NDST3: variants seen among roughly 807,000 people sequenced by gnomAD.
NDST3 encodes N-deacetylase and N-sulfotransferase 3, also known as bifunctional heparan sulfate N-deacetylase/N-sulfotransferase 3.
NDST3 carries 58 observed loss-of-function variants against 96.1 expected under a neutral mutation model. The ratio of observed to expected loss-of-function variants is 0.60; its 90% confidence interval spans 0.49 to 0.75. The LOEUF is 0.75. Ranked by LOEUF, NDST3 falls within the 30% of genes least tolerant of loss-of-function variation. The pLI is 0.00. For missense variants in NDST3, 788 were observed against 1,034.2 expected (o/e 0.76, Z 3.27); for synonymous variants, 333 against 359.7 (o/e 0.93, Z 0.84).
intron 6 of NDST3, among the ~76,000 whole-genome samples, chr4:118,158,447 T>A (rs907559183): frequency 6.6e-6 from 1 of 152,056 alleles, no homozygotes; most frequent in Non-Finnish European, 1.5e-5. Flanking sequence ...ATAGACATAC[T>A]CAAAGTATGA....
chr4:118,146,176 A>G (rs762515291), intron 6 of NDST3, among the ~76,000 whole-genome samples: 9 of 152,216 alleles, frequency 5.9e-5, no homozygotes, highest in Non-Finnish European at 1.3e-4. Flanking sequence ...AAATGAGAAA[A>G]CCTTGATGGA....
chr4:118,197,826 A>T (rs1204952210), intron 6 of NDST3, among the ~76,000 whole-genome samples: 5 of 122,918 alleles, frequency 4.1e-5, no homozygotes, highest in East Asian at 2.3e-4. Context: ...TTTGAGATGG[A>T]GTCTCACTCT....
At chr4:118,159,263 G>A (rs1734926990) in intron 6 of NDST3, among the ~76,000 whole-genome samples, 1 of 152,212 alleles carries the variant, frequency 6.6e-6, no homozygotes, top group Non-Finnish European at 1.5e-5. Context: ...ACAAAAGACA[G>A]CTTGGCAGCT....
At chr4:118,245,958 T>C (rs1741287122) in intron 12 of NDST3, among the ~76,000 whole-genome samples, 1 of 152,182 alleles carries the variant, frequency 6.6e-6, no homozygotes, top group South Asian at 2.1e-4. Flanking sequence ...TGCCAACCTG[T>C]TAAGCTCTTC....
At chr4:118,250,571 GC>G (rs1244644019) in intron 12 of NDST3, among the ~76,000 whole-genome samples, 2 of 150,490 alleles carry the variant, frequency 1.3e-5, no homozygotes, top group African/African-American at 2.5e-5. Flanking sequence ...CGCAACCTCT[GC>G]CCCCCAGGTT....
At chr4:118,165,583 AC>A (rs1735497116) in intron 6 of NDST3, among the ~76,000 whole-genome samples, 1 of 152,080 alleles carries the variant, frequency 6.6e-6, no homozygotes, top group Admixed American at 6.6e-5. Context: ...GCCAACTGAT[AC>A]AGAACATTTT....
intron 6 of NDST3, among the ~76,000 whole-genome samples, chr4:118,190,088 TTTTG>T (rs1365783939): frequency 1.3e-5 from 2 of 152,018 alleles, no homozygotes; most frequent in African/African-American, 4.8e-5. Flanking sequence ...CATATCTTGC[TTTTG>T]TTTATACATT....
chr4:118,182,735 A>T (rs1342470484), intron 6 of NDST3, among the ~76,000 whole-genome samples: 5 of 152,192 alleles, frequency 3.3e-5, no homozygotes, highest in African/African-American at 9.7e-5. Context: ...TCAGGATATA[A>T]AACAAAAGAG....
upstream of NDST3, chr4:118,033,936 G>C (rs900520588): frequency 1.3e-5 from 2 of 152,186 alleles, no homozygotes; most frequent in Non-Finnish European, 2.9e-5. Flanking sequence ...GGACGGGGCC[G>C]GTCTCCTCGC....
At chr4:118,223,835 C>T (rs1739698829) in intron 6 of NDST3, among the ~76,000 whole-genome samples, 1 of 152,024 alleles carries the variant, frequency 6.6e-6, no homozygotes, top group South Asian at 2.1e-4. Context: ...GCATAAACGT[C>T]ACAATGGCTT....
chr4:118,182,415 C>T (rs1412018875), intron 6 of NDST3, among the ~76,000 whole-genome samples: 1 of 152,074 alleles, frequency 6.6e-6, no homozygotes, highest in Non-Finnish European at 1.5e-5. Flanking sequence ...CTTCCATTGC[C>T]ACAGGTAGTA....
chr4:118,168,687 G>A (rs1234755768), intron 6 of NDST3, among the ~76,000 whole-genome samples: 2 of 152,126 alleles, frequency 1.3e-5, no homozygotes, highest in Non-Finnish European at 2.9e-5. Flanking sequence ...ATTCACTGCA[G>A]TATTATTCAC....
intron 6 of NDST3, among the ~76,000 whole-genome samples, chr4:118,204,915 T>C (rs899420401): frequency 6.9e-6 from 1 of 144,406 alleles, no homozygotes; most frequent in Non-Finnish European, 1.5e-5. Flanking sequence ...AGTGTGAAAT[T>C]AGAGTCAACA....
intron 4 of NDST3, among the ~76,000 whole-genome samples, chr4:118,124,888 A>G (rs1022119245): frequency 1.3e-5 from 2 of 151,916 alleles, no homozygotes; most frequent in African/African-American, 2.4e-5. Context: ...TTATAGCCAT[A>G]TTTTTTGCTA....
At chr4:118,128,473 T>C (rs893913972) in intron 4 of NDST3, among the ~76,000 whole-genome samples, 2 of 152,108 alleles carry the variant, frequency 1.3e-5, no homozygotes, top group Non-Finnish European at 2.9e-5. Context: ...ATTCTGTTGA[T>C]ATGATGTATC....
chr4:118,134,540 A>C (rs914548999), intron 4 of NDST3, among the ~76,000 whole-genome samples: 1 of 152,210 alleles, frequency 6.6e-6, no homozygotes, highest in Admixed American at 6.5e-5. Context: ...TAAGATATAT[A>C]CCAGAGATAG....
intron 1 of NDST3, among the ~76,000 whole-genome samples, chr4:118,048,449 C>T (rs1170659121): frequency 1.3e-5 from 2 of 152,108 alleles, no homozygotes; most frequent in Admixed American, 6.5e-5. Flanking sequence ...GATAAAAAGA[C>T]AAGACCCAAC....
chr4:118,068,471 T>C (rs1207513132), intron 2 of NDST3, among the ~76,000 whole-genome samples: 2 of 152,134 alleles, frequency 1.3e-5, no homozygotes, highest in Non-Finnish European at 2.9e-5. Flanking sequence ...CTCTGTGATG[T>C]TCAGATGCAT....
chr4:118,194,163 C>T, intron 6 of NDST3: 2 of 834,302 alleles, frequency 2.4e-6, no homozygotes, highest in Non-Finnish European at 4.1e-6. Flanking sequence ...CACTGAATGG[C>T]CCTCTCCAGA....
Sources: allele counts gnomAD v4.1 joint callset (sites outside exome capture counted in the v4.1 genomes callset), GRCh38; gene constraint gnomAD v4.1.1; transcripts MANE v1.5; gene names NCBI Gene and HGNC (gene_info 2026-07-23, HGNC 2026-07-21).